MICU1: variants seen among roughly 807,000 people sequenced by gnomAD.
MICU1 encodes the protein calcium uptake protein 1, mitochondrial.
In MICU1, 45 loss-of-function variants were observed where a neutral mutation model predicts 56.8. That is an observed-to-expected ratio of 0.79 (90% CI 0.62 to 1.02). The LOEUF is 1.02. Ranked by LOEUF, MICU1 falls within the 50% of genes least tolerant of loss-of-function variation. The pLI is 0.00. For missense variants in MICU1, 504 were observed against 587.1 expected, an observed-to-expected ratio of 0.86 and a Z score of 1.46; for synonymous variants, 186 against 195.1, an observed-to-expected ratio of 0.95 and a Z score of 0.39.
intron 6 of MICU1, among the ~76,000 whole-genome samples, chr10:72,501,118 T>C (rs1194965932): frequency 6.6e-6 from 1 of 152,166 alleles, no homozygotes; most frequent in East Asian, 1.9e-4. Flanking sequence ...TGAGTAGTTA[T>C]CTAGTAAATA....
chr10:72,517,818 G>A (rs1867695840), intron 5 of MICU1, among the ~76,000 whole-genome samples: 1 of 150,028 alleles, frequency 6.7e-6, no homozygotes, highest in Non-Finnish European at 1.5e-5. Context: ...CAAGTAAAAT[G>A]ATCCTTCATT....
At chr10:72,601,104 G>T (rs1841521009) in intron 1 of MICU1, among the ~76,000 whole-genome samples, 1 of 152,126 alleles carries the variant, frequency 6.6e-6, no homozygotes, top group Non-Finnish European at 1.5e-5. Flanking sequence ...TAGCTATAAA[G>T]TTCACTTTTA....
chr10:72,510,200 G>C (rs80199263), intron 5 of MICU1, among the ~76,000 whole-genome samples: 2,935 of 152,204 alleles, frequency 0.019, 30 homozygotes, highest in South Asian at 0.05. Context: ...AATCATCCGG[G>C]CCATGCTGAT....
chr10:72,561,587 G>A (rs1338026053), intron 3 of MICU1, among the ~76,000 whole-genome samples: 2 of 152,294 alleles, frequency 1.3e-5, no homozygotes, highest in Non-Finnish European at 1.5e-5. Flanking sequence ...CGAGGCAGAC[G>A]GATCACCTGA....
chr10:72,592,284 G>C lies in MICU1; in HGVS notation c.-1-25490C>G, dbSNP rs976205870. Among the ~76,000 whole-genome samples the C allele has an allele frequency of 3.9e-5, 6 of 151,968 alleles. No individual in the cohort carries two copies. The South Asian group carries it at 8.3e-4, about 21-fold the overall frequency. ...AGCCTCCCAAAGTGCTGGGATTACA[G>C]GTGTGGAGCCACCATGCCCAGCCTG... On this transcript the variant is annotated intron_variant, in intron 1 of 11. Coordinates refer to ENST00000361114, the MANE Select transcript of MICU1 (RefSeq NM_001195518.2).
At chr10:72,400,801 T>A (rs954984117) in intron 10 of MICU1, among the ~76,000 whole-genome samples, 7 of 152,000 alleles carry the variant, frequency 4.6e-5, no homozygotes, top group Admixed American at 1.3e-4. Flanking sequence ...GCAGATGCTG[T>A]CAAACTTTGT....
intron 8 of MICU1, among the ~76,000 whole-genome samples, chr10:72,458,900 AT>A (rs11334513): frequency 0.63 from 77,221 of 122,766 alleles, 21,965 homozygotes; most frequent in African/African-American, 0.72. Flanking sequence ...TTTTTTTTGT[AT>A]TTTTTTTTGT....
chr10:72,527,240 G>T (rs1867989946), intron 5 of MICU1, among the ~76,000 whole-genome samples: 1 of 151,946 alleles, frequency 6.6e-6, no homozygotes. Flanking sequence ...TTTAATAAAA[G>T]GTCATACAGA....
intron 1 of MICU1, among the ~76,000 whole-genome samples, chr10:72,594,909 CA>C (rs1841329774): frequency 4.5e-5 from 1 of 22,436 alleles, no homozygotes. Flanking sequence ...GACCCTGTCT[CA>C]AAAAAAGTAC....
chr10:72,419,705 A>G (rs546979845), intron 9 of MICU1, among the ~76,000 whole-genome samples: 1 of 152,354 alleles, frequency 6.6e-6, no homozygotes, highest in Non-Finnish European at 1.5e-5. Flanking sequence ...GGGCCCTTAC[A>G]GCAAGCATCT....
chr10:72,420,183 C>T (rs1272147059), intron 9 of MICU1, among the ~76,000 whole-genome samples: 1 of 152,164 alleles, frequency 6.6e-6, no homozygotes, highest in Non-Finnish European at 1.5e-5. Flanking sequence ...CCTCAGCCTC[C>T]TGAGTAGCTA....
intron 6 of MICU1, among the ~76,000 whole-genome samples, chr10:72,478,936 T>G (rs945582175): frequency 2.0e-5 from 3 of 152,184 alleles, no homozygotes; most frequent in Admixed American, 2.0e-4. Flanking sequence ...TGACCCAGCC[T>G]TCAATTGCTG....
rs150976930 is a variant in MICU1, at chr10:72,436,763, T to C, written c.934-13392A>G. On this transcript the variant is annotated intron_variant, in intron 8 of 11. Transcript: ENST00000361114. ...ACCATGGCATGAGAACTTCGTGACG[T>C]ATGCACAAGCTTCAGCAGCCGATTC... 2.8e-3 allele frequency among the ~76,000 whole-genome samples: 429 copies of C among 152,194 alleles called. 3 individuals carry two copies. The highest frequency in any genetic ancestry group is 9.7e-3 in the African/African-American group (404 of 41,522).
chr10:72,519,661 G>A (rs1035078775), intron 5 of MICU1, among the ~76,000 whole-genome samples: 4 of 152,164 alleles, frequency 2.6e-5, no homozygotes, highest in Admixed American at 1.3e-4. Flanking sequence ...ACTCATGAGC[G>A]CTAAGTGTGC....
intron 1 of MICU1, chr10:72,582,714 A>G (rs2132509815): frequency 1.3e-5 from 2 of 152,184 alleles, no homozygotes; most frequent in African/African-American, 4.8e-5. Flanking sequence ...CAGGAGGTCA[A>G]AGCTACAGTG....
At chr10:72,397,424 AC>A (rs753916203) in intron 10 of MICU1, among the ~76,000 whole-genome samples, 3 of 152,240 alleles carry the variant, frequency 2.0e-5, no homozygotes, top group Non-Finnish European at 4.4e-5. Flanking sequence ...TCAAATTCAC[AC>A]ATAGCAATAT....
At chr10:72,556,972 G>A (rs924412791) in intron 3 of MICU1, among the ~76,000 whole-genome samples, 2 of 151,832 alleles carry the variant, frequency 1.3e-5, no homozygotes, top group African/African-American at 4.8e-5. Context: ...GGCTGAGGCA[G>A]GGAGAATCAC....
intron 5 of MICU1, among the ~76,000 whole-genome samples, chr10:72,525,253 A>G (rs1244391458): frequency 2.0e-5 from 3 of 152,216 alleles, no homozygotes; most frequent in Non-Finnish European, 4.4e-5. Flanking sequence ...TTCAAATATC[A>G]AATGGTTTTA....
intron 8 of MICU1, among the ~76,000 whole-genome samples, chr10:72,431,821 C>T (rs1324787618): frequency 2.0e-5 from 3 of 151,988 alleles, no homozygotes; most frequent in African/African-American, 7.3e-5. Flanking sequence ...ATTTGCAATC[C>T]CACTAGTATA....
Sources: gnomAD v4.1 joint callset for allele counts (sites outside exome capture counted in the v4.1 genomes callset) on GRCh38, gnomAD v4.1.1 for gene constraint, MANE v1.5 for transcripts, NCBI Gene and HGNC (gene_info 2026-07-23, HGNC 2026-07-21) for gene names.